ZC3H12B: variants seen among roughly 807,000 people sequenced by gnomAD.
ZC3H12B encodes probable ribonuclease ZC3H12B.
In ZC3H12B, 7 loss-of-function variants were observed where a neutral mutation model predicts 43.9. That is an observed-to-expected ratio of 0.16 (90% CI 0.09 to 0.30). The LOEUF (loss-of-function observed/expected upper bound fraction) is 0.30. Ranked by LOEUF, ZC3H12B falls within the 10% of genes least tolerant of loss-of-function variation. The pLI is 1.00. For missense variants in ZC3H12B, 475 were observed against 670.2 expected, an observed-to-expected ratio of 0.71 and a Z score of 3.22; for synonymous variants, 222 against 241.7, an observed-to-expected ratio of 0.92 and a Z score of 0.76.
intron 3 of ZC3H12B, among the ~76,000 whole-genome samples, chrX:65,452,308 A>G (rs1360909531): frequency 8.9e-6 from 1 of 111,779 alleles, no homozygotes; most frequent in Non-Finnish European, 1.9e-5. Context: ...AAAAGCTGCT[A>G]GAACTGATAA....
At chrX:65,220,255 G>C in the ZC3H12B span, among the ~76,000 whole-genome samples, 1 of 111,412 alleles carries the variant, frequency 9.0e-6, no homozygotes, top group Admixed American at 9.6e-5. Flanking sequence ...TTTCCCTAAA[G>C]CATAAATTTC....
At chrX:65,345,873 T>C in the ZC3H12B span, among the ~76,000 whole-genome samples, 2 of 111,444 alleles carry the variant, frequency 1.8e-5, no homozygotes, top group Admixed American at 9.6e-5. Context: ...CTATTTACAA[T>C]AGTCACACAA....
chrX:65,061,581 G>T, the ZC3H12B span, among the ~76,000 whole-genome samples: 1 of 111,979 alleles, frequency 8.9e-6, no homozygotes, highest in Non-Finnish European at 1.9e-5. Context: ...GGGCATTTGG[G>T]TTGATTCCAA....
the ZC3H12B span, among the ~76,000 whole-genome samples, chrX:65,133,764 G>T: frequency 6.3e-5 from 7 of 110,275 alleles, no homozygotes; most frequent in African/African-American, 2.3e-4. Flanking sequence ...CTGTAGAAAA[G>T]GAGGATTCAA....
At chrX:65,212,278 T>TAATTATAATATATTATATAATATATA in the ZC3H12B span, among the ~76,000 whole-genome samples, 2 of 44,672 alleles carry the variant, frequency 4.5e-5, no homozygotes, top group African/African-American at 3.4e-4. Context: ...TAATATATAA[T>TAATTATAATATATTATATAATATATA]ATAATTATAA....
chrX:65,255,121 A>T, the ZC3H12B span, among the ~76,000 whole-genome samples: 4 of 112,368 alleles, frequency 3.6e-5, no homozygotes, highest in Admixed American at 3.8e-4. Flanking sequence ...GAGAAATCAC[A>T]CAACTTGGAA....
chrX:65,441,157 T>A (rs2067296230), intron 3 of ZC3H12B, among the ~76,000 whole-genome samples: 1 of 112,035 alleles, frequency 8.9e-6, no homozygotes, highest in Non-Finnish European at 1.9e-5. Flanking sequence ...AACTTGTGCC[T>A]CCCATTGCGG....
chrX:65,058,072 TTC>T, the ZC3H12B span, among the ~76,000 whole-genome samples: 2 of 112,592 alleles, frequency 1.8e-5, no homozygotes, highest in South Asian at 7.4e-4. Flanking sequence ...TAAAGCTTTC[TTC>T]TCTCAACTCC....
the ZC3H12B span, among the ~76,000 whole-genome samples, chrX:65,293,496 C>T: frequency 2.4e-4 from 26 of 108,722 alleles, no homozygotes; most frequent in African/African-American, 8.7e-4. Flanking sequence ...TGGATCCAAA[C>T]CAAGAATAAA....
chrX:65,411,379 G>A (rs554819826), intron 3 of ZC3H12B, among the ~76,000 whole-genome samples: 4 of 111,757 alleles, frequency 3.6e-5, no homozygotes, highest in Non-Finnish European at 5.6e-5. Flanking sequence ...TTGACCACAC[G>A]GAAGGGTGAC....
At chrX:65,107,710 G>A in the ZC3H12B span, among the ~76,000 whole-genome samples, 1 of 110,696 alleles carries the variant, frequency 9.0e-6, no homozygotes, top group African/African-American at 3.3e-5. Context: ...GTTTTATAAG[G>A]GGCTTTCCCC....
intron 2 of ZC3H12B, among the ~76,000 whole-genome samples, chrX:65,370,245 A>C (rs917054117): frequency 4.5e-5 from 5 of 112,028 alleles, no homozygotes; most frequent in African/African-American, 1.3e-4. Flanking sequence ...GAATTCATTA[A>C]GTATGGCAAA....
At chrX:65,229,688 GA>G in the ZC3H12B span, among the ~76,000 whole-genome samples, 2 of 97,694 alleles carry the variant, frequency 2.0e-5, no homozygotes, top group African/African-American at 3.7e-5. Context: ...AAATTTACAA[GA>G]AAAAAACAAA....
At chrX:65,354,230 G>T in the ZC3H12B span, among the ~76,000 whole-genome samples, 1 of 111,680 alleles carries the variant, frequency 9.0e-6, no homozygotes, top group African/African-American at 3.3e-5. Context: ...GCATCTGGCC[G>T]GTGCCCCTTT....
chrX:65,227,872 G>A, the ZC3H12B span, among the ~76,000 whole-genome samples: 7 of 111,506 alleles, frequency 6.3e-5, no homozygotes, highest in African/African-American at 2.0e-4. Context: ...AAGAGGCTCT[G>A]AAATTGTGGC....
At chrX:65,226,117 G>A in the ZC3H12B span, among the ~76,000 whole-genome samples, 3 of 111,756 alleles carry the variant, frequency 2.7e-5, no homozygotes, top group African/African-American at 9.8e-5. Context: ...GTTAAGGGCA[G>A]CCAGAGAGAA....
At chrX:65,276,313 C>G in the ZC3H12B span, among the ~76,000 whole-genome samples, 5 of 111,543 alleles carry the variant, frequency 4.5e-5, no homozygotes, top group Non-Finnish European at 7.5e-5. Context: ...AATCTTAGGA[C>G]AGATATGAAC....
the ZC3H12B span, among the ~76,000 whole-genome samples, chrX:65,157,173 G>A: frequency 9.1e-6 from 1 of 110,378 alleles, no homozygotes; most frequent in Admixed American, 9.7e-5. Context: ...TAGAGACAGA[G>A]TTTTGCCATG....
the ZC3H12B span, among the ~76,000 whole-genome samples, chrX:65,278,818 T>G: frequency 1.1e-5 from 1 of 93,932 alleles, no homozygotes; most frequent in African/African-American, 3.8e-5. Context: ...CCCCCTCAAG[T>G]AGACCCCAGT....
Sources: allele counts gnomAD v4.1 joint callset (sites outside exome capture counted in the v4.1 genomes callset), GRCh38; gene constraint gnomAD v4.1.1; transcripts MANE v1.5; gene names NCBI Gene and HGNC (gene_info 2026-07-23, HGNC 2026-07-21).